Variants in VEPH1 observed in about 807,000 individuals in gnomAD.
VEPH1 encodes the protein ventricular zone-expressed PH domain-containing protein homolog 1.
A neutral mutation model predicts 85.2 loss-of-function variants in VEPH1; 80 were observed. The observed-to-expected ratio is 0.94, with a 90% CI of 0.78 to 1.13. VEPH1 has a LOEUF of 1.13. VEPH1 is among the 50% of genes most tolerant of loss of function. The pLI is 0.00. For missense variants in VEPH1, 955 were observed against 980.5 expected, an observed-to-expected ratio of 0.97 and a Z score of 0.35; for synonymous variants, 297 against 348.0, an observed-to-expected ratio of 0.85 and a Z score of 1.63.
chr3:157,274,445 G>A (rs1229577273), intron 12 of VEPH1, among the ~76,000 whole-genome samples: 1 of 152,184 alleles, frequency 6.6e-6, no homozygotes, highest in East Asian at 1.9e-4. Flanking sequence ...ATGGAGGTAT[G>A]AAAGGCAATT....
chr3:157,463,831 TC>T (rs1257333658), intron 3 of VEPH1, among the ~76,000 whole-genome samples: 1 of 152,108 alleles, frequency 6.6e-6, no homozygotes, highest in Non-Finnish European at 1.5e-5. Context: ...AACTAGAGTG[TC>T]CACTCATGGG....
intron 9 of VEPH1, among the ~76,000 whole-genome samples, chr3:157,335,470 A>C (rs1559968679): frequency 6.6e-6 from 1 of 152,220 alleles, no homozygotes; most frequent in Non-Finnish European, 1.5e-5. Flanking sequence ...CAAATACAGA[A>C]AACTGAGACA....
intron 9 of VEPH1, among the ~76,000 whole-genome samples, chr3:157,340,378 C>T (rs907003017): frequency 2.0e-5 from 3 of 152,218 alleles, no homozygotes; most frequent in African/African-American, 7.2e-5. Context: ...AGATTATATC[C>T]CGCACCTGGC....
At chr3:157,385,233 A>C (rs552385644) in intron 6 of VEPH1, among the ~76,000 whole-genome samples, 8 of 151,944 alleles carry the variant, frequency 5.3e-5, no homozygotes, top group African/African-American at 1.9e-4. Flanking sequence ...AAAAAAAAAA[A>C]AAACTAAATG....
At position 157,269,642 on chromosome 3, in the gene VEPH1, G is replaced by GTTTTTTTTTTT. The variant is rs11408861; in HGVS notation, c.2129-3991_2129-3981dup. On this transcript the variant is annotated intron_variant, in intron 12 of 13. Coordinates refer to ENST00000362010, the MANE Select transcript of VEPH1 (RefSeq NM_001167912.2). ...TTTGTTTTTTGTTTTTGTTTTTGTT[G>GTTTTTTTTTTT]TTTTTTTTTTTTTTTTTTGCTATTA... 8.3e-4 allele frequency among the ~76,000 whole-genome samples: 96 copies of GTTTTTTTTTTT among 115,406 alleles called. 2 individuals are homozygous for GTTTTTTTTTTT. Among genetic ancestry groups the GTTTTTTTTTTT allele is most frequent in the East Asian group, 1.2e-3 (5 of 4,072 alleles). 75.7% of individuals were successfully genotyped at this position (115,406 alleles called of 152,430 possible).
At chr3:157,426,341 T>C (rs1732752355) in intron 5 of VEPH1, among the ~76,000 whole-genome samples, 1 of 152,164 alleles carries the variant, frequency 6.6e-6, no homozygotes, top group Non-Finnish European at 1.5e-5. Context: ...CAGTGATAGA[T>C]GTAGGAGAAG....
chr3:157,444,756 GAATTT>G (rs1357359250), intron 4 of VEPH1, among the ~76,000 whole-genome samples: 1 of 152,190 alleles, frequency 6.6e-6, no homozygotes, highest in Non-Finnish European at 1.5e-5. Flanking sequence ...TATGCTGACA[GAATTT>G]AATATAAGAA....
At chr3:157,482,182 G>T (rs1055305456) in intron 2 of VEPH1, among the ~76,000 whole-genome samples, 5 of 151,980 alleles carry the variant, frequency 3.3e-5, no homozygotes, top group African/African-American at 1.2e-4. Flanking sequence ...ATGAATTTTA[G>T]AATAGGTTTT....
At chr3:157,327,815 C>T (rs1318268028) in intron 9 of VEPH1, among the ~76,000 whole-genome samples, 2 of 152,128 alleles carry the variant, frequency 1.3e-5, no homozygotes, top group Non-Finnish European at 2.9e-5. Flanking sequence ...ACGACTTGCC[C>T]ATTAACCTAT....
chr3:157,469,044 G>A (rs1449862221), intron 3 of VEPH1, among the ~76,000 whole-genome samples: 3 of 152,146 alleles, frequency 2.0e-5, no homozygotes, highest in Non-Finnish European at 4.4e-5. Flanking sequence ...CTGTTAAAGT[G>A]CACATTGGAG....
intron 9 of VEPH1, among the ~76,000 whole-genome samples, chr3:157,350,520 G>A (rs1724746627): frequency 6.6e-6 from 1 of 152,008 alleles, no homozygotes; most frequent in Admixed American, 6.6e-5. Flanking sequence ...AAACAAATGG[G>A]ATTATTTCAA....
chr3:157,488,779 A>G, intron 2 of VEPH1, among the ~76,000 whole-genome samples: 1 of 151,916 alleles, frequency 6.6e-6, no homozygotes, highest in Non-Finnish European at 1.5e-5. Flanking sequence ...TGTAAAGTGG[A>G]ACTCGTGATT....
intron 4 of VEPH1, chr3:157,438,037 G>GCA (rs781700719): frequency 0.049 from 25,057 of 510,088 alleles, 205 homozygotes; most frequent in Middle Eastern, 0.098. Context: ...GCGCGCGCGC[G>GCA]CACACACACA....
chr3:157,431,547 C>T (rs1733152854), intron 4 of VEPH1, among the ~76,000 whole-genome samples: 1 of 151,902 alleles, frequency 6.6e-6, no homozygotes, highest in South Asian at 2.1e-4. Context: ...GGATTATCTC[C>T]CTATCTTATT....
chr3:157,369,194 A>AAAAAAAAAAAAAAAAAAAAAAAAAC (rs1560001318), intron 7 of VEPH1, among the ~76,000 whole-genome samples: 1 of 144,962 alleles, frequency 6.9e-6, no homozygotes, highest in Non-Finnish European at 1.5e-5. Context: ...AAAAAAAAAA[A>AAAAAAAAAAAAAAAAAAAAAAAAAC]AAAAAAAAAA....
At chr3:157,282,819 G>T (rs1716303622) in intron 12 of VEPH1, among the ~76,000 whole-genome samples, 1 of 152,188 alleles carries the variant, frequency 6.6e-6, no homozygotes, top group Admixed American at 6.5e-5. Flanking sequence ...AATAAGTTCT[G>T]CTCTGTTCAA....
rs1727831797 is a variant in VEPH1 at position 157,374,215 on chromosome 3, A to G, written c.1127+6941T>C. ...TAACAACAGCCACAGCTACTGCCAC[A>G]AATGGCTGTTATGATTTTCTTTTTA... On this transcript the variant is annotated intron_variant, in intron 7 of 13. Coordinates refer to ENST00000362010, the MANE Select transcript of VEPH1 (RefSeq NM_001167912.2). Among the ~76,000 whole-genome samples, 3 of 152,218 alleles carry G rather than the reference A, an allele frequency of 2.0e-5. No individual in the cohort carries two copies. In the East Asian group the frequency reaches 5.8e-4, roughly 29 times the overall value.
At chr3:157,308,471 T>C (rs1719757990) in intron 11 of VEPH1, among the ~76,000 whole-genome samples, 1 of 152,054 alleles carries the variant, frequency 6.6e-6, no homozygotes, top group Non-Finnish European at 1.5e-5. Context: ...TCTGGACTAG[T>C]CTGTTCCATT....
At chr3:157,299,007 A>G (rs1308184541) in intron 11 of VEPH1, among the ~76,000 whole-genome samples, 4 of 152,178 alleles carry the variant, frequency 2.6e-5, no homozygotes, top group Non-Finnish European at 4.4e-5. Flanking sequence ...CAGAATTTAT[A>G]TTTTGAAATA....
Sources: allele counts gnomAD v4.1 joint callset (sites outside exome capture counted in the v4.1 genomes callset), GRCh38; gene constraint gnomAD v4.1.1; transcripts MANE v1.5; gene names NCBI Gene and HGNC (gene_info 2026-07-23, HGNC 2026-07-21).